EFR3A: variants seen among roughly 807,000 people sequenced by gnomAD.
EFR3A encodes EFR3 homolog A, also known as protein EFR3 homolog A.
Under a neutral mutation model 104.4 loss-of-function variants are expected in EFR3A, and 76 were observed. The observed-to-expected ratio is 0.73, with a 90% CI of 0.60 to 0.88. EFR3A has a LOEUF of 0.88. EFR3A is among the 40% of genes least tolerant of loss of function. EFR3A has a pLI of 0.00. For synonymous variants in EFR3A, 330 were observed against 330.0 expected (o/e 1.00, Z 0.00); for missense variants, 985 against 1,012.5 (o/e 0.97, Z 0.37).
intron 8 of EFR3A, among the ~76,000 whole-genome samples, chr8:131,963,935 G>A (rs1478027095): frequency 6.6e-6 from 1 of 152,156 alleles, no homozygotes; most frequent in African/African-American, 2.4e-5. Flanking sequence ...ATCGATAAAT[G>A]TAATCCAGCA....
chr8:131,949,763 T>A (rs1818607597), intron 4 of EFR3A, among the ~76,000 whole-genome samples: 1 of 151,936 alleles, frequency 6.6e-6, no homozygotes, highest in African/African-American at 2.4e-5. Flanking sequence ...CAGTGAGCTA[T>A]GATCACACCA....
chr8:131,977,086 G>GC lies in EFR3A; in HGVS notation c.1321dup (p.Leu441ProfsTer8). The GC allele has an allele frequency of 6.2e-7, 1 of 1,601,336 alleles. No individual in the cohort carries two copies. The highest frequency in any genetic ancestry group is 8.5e-7 in the Non-Finnish European group (1 of 1,173,288). The stretch of plus-strand genomic sequence containing the variant: ...TTCAGATAATGTTGCTGAGATCTTT[G>GC]CTTATGGTAAGGCATTTAAGACAAA... On this transcript the variant is annotated frameshift_variant, in exon 12 of 23. Coordinates refer to ENST00000254624, the MANE Select transcript of EFR3A (RefSeq NM_015137.6). LOFTEE classifies it high-confidence loss of function.
At chr8:131,981,461 G>A (rs1317189060) in intron 14 of EFR3A, among the ~76,000 whole-genome samples, 2 of 151,964 alleles carry the variant, frequency 1.3e-5, no homozygotes, top group Non-Finnish European at 2.9e-5. Context: ...CTCTTTAGAA[G>A]CAATGTGTTC....
At chr8:131,988,035 G>T (rs996398870) in intron 18 of EFR3A, among the ~76,000 whole-genome samples, 1 of 152,098 alleles carries the variant, frequency 6.6e-6, no homozygotes, top group African/African-American at 2.4e-5. Flanking sequence ...GGAAATTGAT[G>T]AAAATTGTTT....
At chr8:131,934,746 T>C (rs991147517) in intron 1 of EFR3A, among the ~76,000 whole-genome samples, 1 of 152,104 alleles carries the variant, frequency 6.6e-6, no homozygotes, top group Non-Finnish European at 1.5e-5. Context: ...CTGATAAGTA[T>C]GATAATATGC....
At chr8:131,926,408 G>A (rs189922052) in intron 1 of EFR3A, among the ~76,000 whole-genome samples, 122 of 152,166 alleles carry the variant, frequency 8.0e-4, no homozygotes, top group African/African-American at 2.9e-3. Context: ...CATCAAAAAT[G>A]ATGAAATTGA....
intron 1 of EFR3A, chr8:131,938,353 T>C: frequency 2.5e-6 from 1 of 397,150 alleles, no homozygotes; most frequent in East Asian, 3.6e-5. Context: ...TTCTGATATT[T>C]ATAAGTAGAA....
intron 9 of EFR3A, among the ~76,000 whole-genome samples, chr8:131,969,190 T>C (rs1365223706): frequency 6.6e-6 from 1 of 152,172 alleles, no homozygotes; most frequent in Admixed American, 6.5e-5. Flanking sequence ...TTTACTTACA[T>C]GTAACTACAA....
chr8:131,907,207 C>T lies in EFR3A; in HGVS notation c.10+2885C>T, dbSNP rs542956151. 2.0e-5 allele frequency among the ~76,000 whole-genome samples: 3 copies of T among 152,314 alleles called. No homozygotes were observed. In the South Asian group the frequency reaches 6.2e-4, roughly 32 times the overall value. On this transcript the variant is annotated intron_variant, in intron 1 of 22. Coordinates refer to ENST00000254624, the MANE Select transcript of EFR3A (RefSeq NM_015137.6). ...ATCGTTCTGTGAACTTACAAGAATG[C>T]ATTTGCTTCCATCCTGTCACAGAAA... is the stretch of plus-strand genomic sequence containing the variant.
intron 1 of EFR3A, among the ~76,000 whole-genome samples, chr8:131,929,920 G>A (rs978231512): frequency 1.8e-4 from 28 of 152,218 alleles, no homozygotes; most frequent in Non-Finnish European, 2.9e-5. Context: ...TCCATTATCA[G>A]TCTTTCTGTT....
intron 10 of EFR3A, among the ~76,000 whole-genome samples, 155 bp from the exon 11 acceptor site, chr8:131,975,872 A>G (rs980239352): frequency 1.1e-4 from 17 of 152,246 alleles, no homozygotes; most frequent in Non-Finnish European, 1.8e-4. Flanking sequence ...ATTTTGTACA[A>G]ATGAAATTGT....
chr8:131,945,854 G>C (rs1185904894), intron 3 of EFR3A, among the ~76,000 whole-genome samples: 1 of 151,974 alleles, frequency 6.6e-6, no homozygotes, highest in Admixed American at 6.6e-5. Flanking sequence ...TCACCCTACT[G>C]TGCTGTTGAA....
At chr8:131,928,355 A>AT (rs896080063) in intron 1 of EFR3A, among the ~76,000 whole-genome samples, 11 of 151,846 alleles carry the variant, frequency 7.2e-5, no homozygotes, top group African/African-American at 2.4e-4. Flanking sequence ...ACATTATACA[A>AT]TTTTTTTCTT....
chr8:131,959,162 A>G (rs1793247584), intron 7 of EFR3A, among the ~76,000 whole-genome samples: 1 of 152,192 alleles, frequency 6.6e-6, no homozygotes, highest in African/African-American at 2.4e-5. Flanking sequence ...TTTAAAATTT[A>G]ATTTTGATAC....
chr8:131,961,022 TAACA>T lies in EFR3A; in HGVS notation c.855+1364_855+1367del, dbSNP rs567552911. Among the ~76,000 whole-genome samples the T allele has an allele frequency of 1.5e-4, 23 of 152,224 alleles. No homozygotes were observed. The East Asian group carries it at 4.4e-3, about 29-fold the overall frequency. On this transcript the variant is annotated intron_variant, in intron 8 of 22. Transcript: ENST00000254624. ...GGGTCCTGACTGTTAGAAGGAAAGCTAACAAACAGAAAGGACATCCACACCAAAA... is the reference window on the plus strand; with the variant it reads ...GGGTCCTGACTGTTAGAAGGAAAGCTAACAGAAAGGACATCCACACCAAAA...
chr8:131,971,521 T>C (rs983554880), intron 10 of EFR3A, among the ~76,000 whole-genome samples: 1 of 152,018 alleles, frequency 6.6e-6, no homozygotes, highest in Non-Finnish European at 1.5e-5. Flanking sequence ...ACCCCGTCTC[T>C]ACTAAGAATA....
intron 1 of EFR3A, among the ~76,000 whole-genome samples, chr8:131,905,915 T>C (rs1816236825): frequency 1.3e-5 from 2 of 152,246 alleles, no homozygotes; most frequent in Admixed American, 1.3e-4. Context: ...AGAGTGGATA[T>C]AGTAAACTCG....
chr8:132,001,635 G>A, intron 19 of EFR3A, 124 bp from the exon 20 acceptor site: 1 of 767,040 alleles, frequency 1.3e-6, no homozygotes. Context: ...ACAGCTCACA[G>A]CTCAGACCCA....
chr8:132,001,440 A>G (rs1339986403), intron 19 of EFR3A, among the ~76,000 whole-genome samples: 3 of 152,024 alleles, frequency 2.0e-5, no homozygotes, highest in Non-Finnish European at 2.9e-5. Flanking sequence ...GTGGGACTCA[A>G]ATCTTCTTGT....
Sources: gnomAD v4.1 joint callset for allele counts (sites outside exome capture counted in the v4.1 genomes callset) on GRCh38, gnomAD v4.1.1 for gene constraint, MANE v1.5 for transcripts, NCBI Gene and HGNC (gene_info 2026-07-23, HGNC 2026-07-21) for gene names.